The following PVT1 variants were observed in gnomAD, a reference collection of about 807,000 sequenced individuals.
The protein encoded by PVT1 is Pvt1 oncogene, also known as CXCR4/PVT1 fusion.
At chr8:127,958,324 C>T (rs898843318) in intron 3 of PVT1, among the ~76,000 whole-genome samples, 4 of 152,020 alleles carry the variant, frequency 2.6e-5, no homozygotes, top group Non-Finnish European at 5.9e-5. Flanking sequence ...ACTGCAACCT[C>T]CGCCTCCTGG....
intron 4 of PVT1, among the ~76,000 whole-genome samples, chr8:128,021,584 C>T (rs963228021): frequency 6.6e-6 from 1 of 152,108 alleles, no homozygotes; most frequent in South Asian, 2.1e-4. Flanking sequence ...TGAGCAACCG[C>T]GCCCGGCCTG....
chr8:127,887,924 C>G (rs1465672237), intron 2 of PVT1, among the ~76,000 whole-genome samples: 4 of 123,234 alleles, frequency 3.2e-5, no homozygotes, highest in Non-Finnish European at 6.5e-5. Context: ...GAATCTCACT[C>G]TATCTTGTTT....
intron 2 of PVT1, among the ~76,000 whole-genome samples, chr8:127,821,350 T>C (rs760132595): frequency 2.6e-5 from 4 of 152,166 alleles, no homozygotes; most frequent in Non-Finnish European, 5.9e-5. Flanking sequence ...AATTGCACAA[T>C]GGATTATAAG....
At chr8:128,032,911 A>C (rs1324734028) in intron 4 of PVT1, among the ~76,000 whole-genome samples, 2 of 152,148 alleles carry the variant, frequency 1.3e-5, no homozygotes, top group African/African-American at 4.8e-5. Context: ...CTAGCACTCC[A>C]TTGGCTGAGG....
chr8:127,868,808 T>TATATATATATATGTAC (rs1815320399), intron 2 of PVT1, among the ~76,000 whole-genome samples: 16 of 110,464 alleles, frequency 1.4e-4, no homozygotes, highest in African/African-American at 5.9e-4. Flanking sequence ...TATATGTACA[T>TATATATATATATGTAC]ATATATATAT....
chr8:128,032,859 G>A (rs1318048924), intron 4 of PVT1, among the ~76,000 whole-genome samples: 2 of 152,346 alleles, frequency 1.3e-5, no homozygotes, highest in East Asian at 1.9e-4. Flanking sequence ...ACCACTCCTA[G>A]GTGAGTAAGC....
intron 2 of PVT1, among the ~76,000 whole-genome samples, chr8:127,830,444 A>C (rs558543279): frequency 6.8e-6 from 1 of 147,698 alleles, no homozygotes; most frequent in East Asian, 2.0e-4. Context: ...GCTTTATTTC[A>C]GGAGAGAGTG....
chr8:127,962,573 G>A (rs543147685), intron 3 of PVT1, among the ~76,000 whole-genome samples: 2 of 152,034 alleles, frequency 1.3e-5, no homozygotes, highest in African/African-American at 2.4e-5. Context: ...CCCAGGTTGC[G>A]GTTTTTGTCC....
chr8:128,074,252 A>G (rs963138641), intron 5 of PVT1, among the ~76,000 whole-genome samples: 1 of 152,222 alleles, frequency 6.6e-6, no homozygotes, highest in Non-Finnish European at 1.5e-5. Context: ...CACGCCTGTA[A>G]TCCCAGGACT....
intron 5 of PVT1, among the ~76,000 whole-genome samples, chr8:128,087,011 T>C (rs1421078428): frequency 2.6e-5 from 4 of 152,270 alleles, no homozygotes; most frequent in African/African-American, 4.8e-5. Flanking sequence ...AGAATTGTCA[T>C]AATGCAGCGT....
At chr8:127,995,522 C>T (rs904688750) in intron 4 of PVT1, among the ~76,000 whole-genome samples, 7 of 152,090 alleles carry the variant, frequency 4.6e-5, no homozygotes, top group Non-Finnish European at 8.8e-5. Flanking sequence ...TATATCAGTC[C>T]GTCAGTCAGT....
At chr8:127,960,204 C>T (rs775911229) in intron 3 of PVT1, among the ~76,000 whole-genome samples, 9 of 152,130 alleles carry the variant, frequency 5.9e-5, no homozygotes, top group African/African-American at 1.4e-4. Context: ...TTGGAGGGTC[C>T]GTGAGTCTAC....
intron 2 of PVT1, among the ~76,000 whole-genome samples, chr8:127,842,743 G>A (rs954062025): frequency 6.6e-6 from 1 of 152,168 alleles, no homozygotes; most frequent in Non-Finnish European, 1.5e-5. Flanking sequence ...TGCTTCAGAA[G>A]AGACCTTTTC....
intron 2 of PVT1, among the ~76,000 whole-genome samples, chr8:127,871,952 C>T (rs925676750): frequency 2.0e-5 from 3 of 152,054 alleles, no homozygotes; most frequent in Non-Finnish European, 2.9e-5. Flanking sequence ...ATTAGCCAGA[C>T]GTGGTGATGG....
intron 3 of PVT1, chr8:127,948,498 G>A (rs1401321038): frequency 6.4e-6 from 1 of 156,926 alleles, no homozygotes; most frequent in African/African-American, 2.4e-5. Context: ...ACTATGACTG[G>A]ATGAATTCTG....
Position 128,041,373 on chromosome 8 carries a change from TTGTG to T in PVT1, n.913-28784_913-28781del, listed in dbSNP as rs1357010028. On this transcript the variant is annotated intron_variant and non_coding_transcript_variant, in intron 4 of 10. Transcript: ENST00000651587. The stretch of plus-strand genomic sequence containing the variant: ...TGTTGTGCTCATGTGTTGTTTGTGT[TTGTG>T]TGCATATGTGTATGTGTGTGTTTGT... Among the ~76,000 whole-genome samples the T allele has an allele frequency of 5.3e-5, 8 of 151,232 alleles. No individual in the cohort carries two copies. The East Asian group carries it at 1.2e-3, about 22-fold the overall frequency.
At chr8:127,844,405 A>G (rs2129721304) in intron 2 of PVT1, among the ~76,000 whole-genome samples, 1 of 152,334 alleles carries the variant, frequency 6.6e-6, no homozygotes, top group South Asian at 2.1e-4. Flanking sequence ...TATGTTTCAC[A>G]CAGTTTGTTG....
chr8:127,836,925 A>G (rs1309866136), intron 2 of PVT1, among the ~76,000 whole-genome samples: 3 of 151,900 alleles, frequency 2.0e-5, no homozygotes, highest in East Asian at 3.9e-4. Flanking sequence ...TTTCACACCC[A>G]TGCCAGGTGT....
intron 2 of PVT1, among the ~76,000 whole-genome samples, chr8:127,821,682 G>A (rs1814730498): frequency 6.6e-6 from 1 of 151,988 alleles, no homozygotes. Flanking sequence ...CATGGTGGTG[G>A]GCGCCTGTAG....
Sources: gnomAD v4.1 joint callset for allele counts (sites outside exome capture counted in the v4.1 genomes callset) on GRCh38, gnomAD v4.1.1 for gene constraint, MANE v1.5 for transcripts, NCBI Gene and HGNC (gene_info 2026-07-23, HGNC 2026-07-21) for gene names.